CDCA2: variants seen among roughly 807,000 people sequenced by gnomAD.
CDCA2 encodes the protein cell division cycle associated 2.
A neutral mutation model predicts 67.0 loss-of-function variants in CDCA2; 44 were observed. The observed-to-expected ratio is 0.66, with a 90% CI of 0.52 to 0.84. The LOEUF (loss-of-function observed/expected upper bound fraction) is 0.84. CDCA2 is among the 40% of genes least tolerant of loss of function. CDCA2 has a pLI of 0.00. For synonymous variants in CDCA2, 447 were observed against 418.7 expected (o/e 1.07, Z -0.82); for missense variants, 1,253 against 1,203.2 (o/e 1.04, Z -0.61).
intron 7 of CDCA2, among the ~76,000 whole-genome samples, chr8:25,475,785 T>C (rs1409566226): frequency 6.6e-6 from 1 of 152,176 alleles, no homozygotes; most frequent in Non-Finnish European, 1.5e-5. Flanking sequence ...TTAGCTGGAA[T>C]GCAGGAAGCC....
At chr8:25,465,035 A>G (rs1259164595) in intron 4 of CDCA2, among the ~76,000 whole-genome samples, 2 of 152,176 alleles carry the variant, frequency 1.3e-5, no homozygotes, top group African/African-American at 4.8e-5. Context: ...GTACAGTGGC[A>G]TGATCTCGGC....
chr8:25,466,467 C>A, intron 5 of CDCA2, 142 bp downstream of exon 5: 1 of 727,396 alleles, frequency 1.4e-6, no homozygotes, highest in Non-Finnish European at 2.0e-6. Flanking sequence ...AAATTTGGGA[C>A]ATTTCACACA....
chr8:25,479,041 T>C (rs771811014), intron 7 of CDCA2, among the ~76,000 whole-genome samples: 32 of 152,130 alleles, frequency 2.1e-4, no homozygotes, highest in Non-Finnish European at 4.3e-4. Context: ...TATATTAATA[T>C]CACAACCAGG....
chr8:25,484,294 T>C (rs1803682237), intron 10 of CDCA2, 84 bp downstream of exon 10: 1 of 1,487,948 alleles, frequency 6.7e-7, no homozygotes, highest in African/African-American at 1.4e-5. Context: ...AACTATGCTT[T>C]GAAATAATGA....
At chr8:25,480,740 C>G (rs537770157) in intron 8 of CDCA2, among the ~76,000 whole-genome samples, 23 of 152,276 alleles carry the variant, frequency 1.5e-4, no homozygotes, top group African/African-American at 5.5e-4. Flanking sequence ...CTGTTAAAAT[C>G]CATGACAGGC....
rs563286061 is a variant in CDCA2, at chr8:25,465,892, C to T, written c.388-283C>T. 7.2e-5 allele frequency among the ~76,000 whole-genome samples: 11 copies of T among 152,278 alleles called. No homozygotes were observed. In the East Asian group the frequency reaches 1.9e-3, roughly 27 times the overall value. ...GTAAAAATTGCAAATAGACAGGTTC[C>T]TCCTGTCCCTTTTTTGTTGCACCAT... On this transcript the variant is annotated intron_variant, in intron 4 of 14. Coordinates refer to ENST00000330560, the MANE Select transcript of CDCA2 (RefSeq NM_152562.4).
At chr8:25,470,852 C>T (rs1803124901) in intron 7 of CDCA2, among the ~76,000 whole-genome samples, 1 of 151,932 alleles carries the variant, frequency 6.6e-6, no homozygotes, top group Non-Finnish European at 1.5e-5. Context: ...ACCTCCCTCT[C>T]CCAGGTTCAA....
intron 14 of CDCA2, among the ~76,000 whole-genome samples, chr8:25,506,054 C>G (rs1804663593): frequency 6.6e-6 from 1 of 152,192 alleles, no homozygotes; most frequent in Non-Finnish European, 1.5e-5. Context: ...TGTTTTAGCT[C>G]ATAAGTCCTC....
At position 25,507,639 on chromosome 8, in the gene CDCA2, G is replaced by T. The variant is rs1804739886; in HGVS notation, c.2973G>T (p.Gln991His). The T allele has an allele frequency of 3.1e-6, 5 of 1,614,186 alleles. No homozygotes were observed. The highest frequency in any genetic ancestry group is 1.3e-5 in the African/African-American group (1 of 75,042). The stretch of plus-strand genomic sequence containing the variant: ...TTGCAAATACTAAAGCCACTTCCCA[G>T]TTCAAAGGCTACCGGAGAAGATCCT... ...STLANTKATS[Q>H]FKGYRRRSSL... Residue 991 changes from glutamine to histidine, a missense_variant, in exon 15 of 15, where the codon CAG becomes CAT. Coordinates refer to ENST00000330560, the MANE Select transcript of CDCA2 (RefSeq NM_152562.4).
chr8:25,461,991 A>G, intron 3 of CDCA2, 63 bp from the exon 4 acceptor site: 1 of 1,492,806 alleles, frequency 6.7e-7, no homozygotes, highest in Non-Finnish European at 9.3e-7. Context: ...CATCACGAGT[A>G]TTGGATGTGG....
chr8:25,468,558 CGT>C lies in CDCA2; in HGVS notation c.735+160_735+161del, dbSNP rs747163744. 20 of 269,672 alleles carry C rather than the reference CGT, an allele frequency of 7.4e-5. No individual in the cohort carries two copies. In the African/African-American group the frequency reaches 8.8e-4, roughly 12 times the overall value. The allele number at this position is 269,672 out of a possible 1,614,324, so 16.7% of individuals were successfully genotyped here. A position where few individuals can be genotyped will look rare whatever the true frequency, so the allele number is the denominator to read the frequency against. On this transcript the variant is annotated intron_variant, in intron 6 of 14. Coordinates refer to ENST00000330560, the MANE Select transcript of CDCA2 (RefSeq NM_152562.4). ...GTGTGTGTGTGTGTGTGTGTGTGTG[CGT>C]GTGTGTGTGTGTGTTTCCTACCTGT... is the stretch of plus-strand genomic sequence containing the variant.
intron 11 of CDCA2, 112 bp from the exon 12 acceptor site, chr8:25,487,134 T>G: frequency 1.5e-6 from 1 of 650,880 alleles, no homozygotes; most frequent in Non-Finnish European, 2.7e-6. Context: ...CTCTTTTTTT[T>G]GTTTAGATAT....
chr8:25,505,772 ATAGT>A (rs1340489873), intron 14 of CDCA2, among the ~76,000 whole-genome samples: 6 of 152,196 alleles, frequency 3.9e-5, no homozygotes, highest in African/African-American at 9.7e-5. Flanking sequence ...ATTGCATCTA[ATAGT>A]TAGTTCTAAG....
chr8:25,480,234 C>T (rs906563363), intron 8 of CDCA2, 110 bp downstream of exon 8: 7 of 902,270 alleles, frequency 7.8e-6, no homozygotes, highest in Admixed American at 3.0e-5. Context: ...AAATGTCTTA[C>T]TCGTCTTACC....
chr8:25,471,300 C>T (rs1040354431), intron 7 of CDCA2, among the ~76,000 whole-genome samples: 2 of 152,172 alleles, frequency 1.3e-5, no homozygotes, highest in African/African-American at 4.8e-5. Flanking sequence ...CTGCACAGGG[C>T]AAGGTTGTGA....
At position 25,468,219 on chromosome 8, in the gene CDCA2, A is replaced by C; in HGVS notation, c.541A>C (p.Arg181=). 3 of 1,560,436 alleles carry C rather than the reference A, an allele frequency of 1.9e-6. No individual in the cohort carries two copies. The highest frequency in any genetic ancestry group is 2.6e-6 in the Non-Finnish European group (3 of 1,151,302). Residue 181 remains arginine (R), a splice_region_variant and synonymous_variant, in exon 6 of 15, where the codon AGA becomes CGA. Coordinates refer to ENST00000330560, the MANE Select transcript of CDCA2 (RefSeq NM_152562.4). ...TTGTTTTTATTTTGTGTTTATAGCC[A>C]GAAAGGAAGGTCTCAGCGCTTGCCA... ...GKESEMTDLT[R]KEGLSACQQS...
chr8:25,488,453 TG>T, intron 12 of CDCA2, 98 bp from the exon 13 acceptor site: 1 of 1,101,928 alleles, frequency 9.1e-7, no homozygotes, highest in Non-Finnish European at 1.3e-6. Context: ...GGATCTAAAG[TG>T]GTAGAAGCAT....
At chr8:25,464,286 C>T (rs763015657) in intron 4 of CDCA2, among the ~76,000 whole-genome samples, 6 of 152,182 alleles carry the variant, frequency 3.9e-5, no homozygotes, top group Non-Finnish European at 7.3e-5. Flanking sequence ...TGTGGTGGCA[C>T]ATGCCTGTAG....
intron 13 of CDCA2, among the ~76,000 whole-genome samples, chr8:25,499,157 C>G (rs1804367431): frequency 6.6e-6 from 1 of 151,920 alleles, no homozygotes; most frequent in Non-Finnish European, 1.5e-5. Context: ...GCAGTATGAG[C>G]CCTTTATCAG....
Sources: gnomAD v4.1 joint callset for allele counts (sites outside exome capture counted in the v4.1 genomes callset) on GRCh38, gnomAD v4.1.1 for gene constraint, MANE v1.5 for transcripts, NCBI Gene and HGNC (gene_info 2026-07-23, HGNC 2026-07-21) for gene names.